FAT3: variants seen among roughly 807,000 people sequenced by gnomAD.
FAT3 encodes FAT atypical cadherin 3.
In FAT3, 95 loss-of-function variants were observed where a neutral mutation model predicts 310.2. The observed-to-expected ratio is 0.31, with a 90% CI of 0.26 to 0.36. The LOEUF is 0.36. Ranked by LOEUF, FAT3 falls within the 10% of genes least tolerant of loss-of-function variation. FAT3 has a pLI of 1.00. For missense variants in FAT3, 5,408 were observed against 5,715.6 expected, an observed-to-expected ratio of 0.95 and a Z score of 1.74; for synonymous variants, 2,314 against 2,192.9, an observed-to-expected ratio of 1.06 and a Z score of -1.54.
At chr11:92,666,010 A>T (rs1156685577) in intron 3 of FAT3, among the ~76,000 whole-genome samples, 1 of 152,166 alleles carries the variant, frequency 6.6e-6, no homozygotes, top group Non-Finnish European at 1.5e-5. Context: ...ATCTCTAAAA[A>T]ATTTTTTTAA....
At chr11:92,534,350 G>A (rs1363628978) in intron 3 of FAT3, among the ~76,000 whole-genome samples, 1 of 152,198 alleles carries the variant, frequency 6.6e-6, no homozygotes, top group East Asian at 1.9e-4. Context: ...GCTGGTCAGT[G>A]CCGAGCTAGG....
chr11:92,789,425 T>C (rs919431649), intron 7 of FAT3, among the ~76,000 whole-genome samples: 1 of 152,132 alleles, frequency 6.6e-6, no homozygotes, highest in African/African-American at 2.4e-5. Context: ...TAGCGCCACG[T>C]TCTTTGCTGG....
intron 3 of FAT3, among the ~76,000 whole-genome samples, chr11:92,620,969 C>T (rs1405468468): frequency 6.6e-6 from 1 of 152,156 alleles, no homozygotes; most frequent in Non-Finnish European, 1.5e-5. Flanking sequence ...TCTCTCATGT[C>T]TCTTCTTATA....
chr11:92,393,601 A>T (rs1376628499), intron 2 of FAT3, among the ~76,000 whole-genome samples: 1 of 152,038 alleles, frequency 6.6e-6, no homozygotes, highest in Non-Finnish European at 1.5e-5. Context: ...AGGGGAGGGG[A>T]TGGGATGTTT....
At chr11:92,823,102 T>C (rs1317617610) in intron 13 of FAT3, among the ~76,000 whole-genome samples, 2 of 152,180 alleles carry the variant, frequency 1.3e-5, no homozygotes, top group Non-Finnish European at 2.9e-5. Context: ...ACATAAGTGG[T>C]GGGAGCCATC....
intron 2 of FAT3, among the ~76,000 whole-genome samples, chr11:92,425,705 C>T (rs185627492): frequency 1.3e-4 from 20 of 152,050 alleles, no homozygotes; most frequent in African/African-American, 2.7e-4. Flanking sequence ...TCCCTGCAAA[C>T]GACATGAACT....
chr11:92,397,823 A>G (rs535544495), intron 2 of FAT3, among the ~76,000 whole-genome samples: 4 of 149,388 alleles, frequency 2.7e-5, no homozygotes, highest in Non-Finnish European at 5.9e-5. Context: ...GTGACACTCT[A>G]TTTGCCTGTG....
chr11:92,613,571 A>G (rs571991476), intron 3 of FAT3, among the ~76,000 whole-genome samples: 52 of 152,198 alleles, frequency 3.4e-4, no homozygotes, highest in Middle Eastern at 3.4e-3. Flanking sequence ...ATAACCCACC[A>G]ACTCTCTTCT....
At chr11:92,508,744 T>C (rs1953194751) in intron 2 of FAT3, among the ~76,000 whole-genome samples, 1 of 152,104 alleles carries the variant, frequency 6.6e-6, no homozygotes, top group Non-Finnish European at 1.5e-5. Context: ...TAAGCAAAAC[T>C]CAAATTCTCA....
chr11:92,862,035 A>G (rs916757901), intron 21 of FAT3, among the ~76,000 whole-genome samples: 1 of 152,232 alleles, frequency 6.6e-6, no homozygotes, highest in Non-Finnish European at 1.5e-5. Flanking sequence ...TCTTCTGTTT[A>G]CCATTGATAC....
Position 92,887,001 on chromosome 11 carries a change from C to A in FAT3, c.12939C>A (p.Asn4313Lys). 1 of 1,599,876 alleles carries A rather than the reference C, an allele frequency of 6.3e-7. No individual in the cohort carries two copies. The highest frequency in any genetic ancestry group is 1.7e-4 in the Middle Eastern group (1 of 6,054). ...RKNGWDAGTE[N>K]KGVDDPGEVT... ...CTTTCTCTTTCACTGTCCATGAAGA[C>A]AAAGGGGTTGATGACCCGGGAGAAG... The change falls in exon 25 of 28, where the codon AAC becomes AAA. Residue 4313 changes from asparagine to lysine, a missense_variant and splice_region_variant. Physicochemically the swap from Asn to Lys is moderately conservative, Grantham distance 94. Around this residue, in one of 5 missense-constraint regions of FAT3, gnomAD observed 649 missense variants for 666.2 expected, o/e 0.97. Transcript: ENST00000525166.
At chr11:92,625,949 A>T (rs147865504) in intron 3 of FAT3, among the ~76,000 whole-genome samples, 145 of 152,272 alleles carry the variant, frequency 9.5e-4, no homozygotes, top group African/African-American at 3.3e-3. Context: ...GAGTATTGTA[A>T]GTGACTTGCC....
intron 2 of FAT3, among the ~76,000 whole-genome samples, chr11:92,454,333 A>G (rs919002230): frequency 6.6e-6 from 1 of 152,194 alleles, no homozygotes; most frequent in African/African-American, 2.4e-5. Context: ...GTATCATTCT[A>G]GTTGCAAAAA....
chr11:92,815,504 C>A (rs1461037222), intron 13 of FAT3, among the ~76,000 whole-genome samples: 1 of 151,926 alleles, frequency 6.6e-6, no homozygotes, highest in Non-Finnish European at 1.5e-5. Flanking sequence ...ACCCAGAAGG[C>A]AGAGCTTGCT....
intron 1 of FAT3, among the ~76,000 whole-genome samples, chr11:92,256,897 C>T (rs1333752656): frequency 1.3e-5 from 2 of 152,036 alleles, no homozygotes; most frequent in Non-Finnish European, 2.9e-5. Context: ...GTACTCTTGA[C>T]CACAATTAGG....
chr11:92,524,506 C>A, intron 2 of FAT3, 128 bp from the exon 3 acceptor site: 2 of 764,182 alleles, frequency 2.6e-6, no homozygotes, highest in South Asian at 2.0e-5. Flanking sequence ...CTTAATTTAA[C>A]CTTATGTTAT....
chr11:92,739,654 C>T (rs1032639164), intron 4 of FAT3, among the ~76,000 whole-genome samples: 4 of 152,154 alleles, frequency 2.6e-5, no homozygotes, highest in African/African-American at 9.6e-5. Flanking sequence ...TGCTTATTCA[C>T]AAAGTTACAT....
intron 13 of FAT3, among the ~76,000 whole-genome samples, chr11:92,813,919 C>T (rs1181996336): frequency 6.6e-6 from 1 of 152,168 alleles, no homozygotes; most frequent in Non-Finnish European, 1.5e-5. Flanking sequence ...AACCTAATTC[C>T]TCATGTGTCC....
chr11:92,381,773 A>G (rs1439930243), intron 2 of FAT3, among the ~76,000 whole-genome samples: 3 of 152,242 alleles, frequency 2.0e-5, no homozygotes, highest in Non-Finnish European at 2.9e-5. Context: ...TGAAAAAATT[A>G]TTAATTACTA....
Sources: allele counts gnomAD v4.1 joint callset (sites outside exome capture counted in the v4.1 genomes callset), GRCh38; gene constraint gnomAD v4.1.1; regional missense constraint gnomAD v4.1.1; transcripts MANE v1.5; gene names NCBI Gene and HGNC (gene_info 2026-07-23, HGNC 2026-07-21).